Variants in ANK2 observed in about 807,000 individuals in gnomAD.
The protein encoded by ANK2 is ankyrin-2.
A neutral mutation model predicts 360.5 loss-of-function variants in ANK2; 83 were observed. The observed-to-expected ratio is 0.23, with a 90% CI of 0.19 to 0.28. The LOEUF (loss-of-function observed/expected upper bound fraction) is 0.28, where lower values mean the gene tolerates loss of function less well. ANK2 is among the 10% of genes least tolerant of loss of function. The probability of loss-of-function intolerance (pLI) is 1.00; values close to 1 mark genes in which losing one functional copy is unlikely to be tolerated. For synonymous variants in ANK2, 1,740 were observed against 1,759.5 expected (o/e 0.99, Z 0.28); for missense variants, 4,201 against 4,795.7 (o/e 0.88, Z 3.66).
At chr4:112,805,872 G>A in the ANK2 span, among the ~76,000 whole-genome samples, 158 of 152,238 alleles carry the variant, frequency 1.0e-3, no homozygotes, top group African/African-American at 3.2e-3. Flanking sequence ...ACTGCGCCCG[G>A]CCACATGCAG....
chr4:113,047,065 G>A (rs536862697), upstream of ANK2, among the ~76,000 whole-genome samples: 54 of 152,282 alleles, frequency 3.5e-4, 2 homozygotes, highest in South Asian at 6.0e-3. Flanking sequence ...ATCCAGTTAC[G>A]ACAAAGGTTT....
At chr4:112,747,822 G>A in the ANK2 span, among the ~76,000 whole-genome samples, 2 of 152,150 alleles carry the variant, frequency 1.3e-5, no homozygotes, top group Non-Finnish European at 2.9e-5. Flanking sequence ...GAGAAATATT[G>A]TGAGATAAAA....
At chr4:113,020,559 GGCTCACGCCTGTAATCCCAGT>G (rs1237315194) in intron 2 of ANK2, among the ~76,000 whole-genome samples, 1 of 152,132 alleles carries the variant, frequency 6.6e-6, no homozygotes, top group Non-Finnish European at 1.5e-5. Flanking sequence ...CGGCTGCGCT[GGCTCACGCCTGTAATCCCAGT>G]ACTTTGAGAG....
intron 2 of ANK2, among the ~76,000 whole-genome samples, chr4:112,909,482 C>T (rs2086354090): frequency 6.6e-6 from 1 of 152,134 alleles, no homozygotes; most frequent in Non-Finnish European, 1.5e-5. Flanking sequence ...ATTACTGTAA[C>T]TGTATTTTAT....
intron 2 of ANK2, among the ~76,000 whole-genome samples, chr4:112,942,964 A>G (rs775549150): frequency 6.6e-6 from 1 of 152,092 alleles, no homozygotes; most frequent in Non-Finnish European, 1.5e-5. Context: ...ACTTAGTTTT[A>G]CTTGCCCAAC....
At chr4:112,972,629 T>A (rs913013305) in intron 2 of ANK2, among the ~76,000 whole-genome samples, 10 of 152,210 alleles carry the variant, frequency 6.6e-5, no homozygotes, top group African/African-American at 2.4e-4. Context: ...TGGGGTGTGA[T>A]AGTAATCTAA....
chr4:113,339,865 C>A (rs1179516233), intron 32 of ANK2, among the ~76,000 whole-genome samples: 1 of 152,204 alleles, frequency 6.6e-6, no homozygotes. Flanking sequence ...TAATTGATTG[C>A]TAAGCATTGT....
intron 2 of ANK2, among the ~76,000 whole-genome samples, chr4:113,186,576 CTCTCTCTCTCT>C (rs772598521): frequency 0.23 from 23,295 of 103,368 alleles, 2,769 homozygotes; most frequent in Non-Finnish European, 0.28. Context: ...CTCTCTCTCT[CTCTCTCTCTCT>C]TCTCTCTCTC....
intron 1 of ANK2, among the ~76,000 whole-genome samples, chr4:112,828,019 C>T (rs892313627): frequency 6.6e-6 from 1 of 152,100 alleles, no homozygotes; most frequent in African/African-American, 2.4e-5. Context: ...AAGACAGACA[C>T]AGAGACGAAT....
At chr4:112,853,580 A>T (rs1375350994) in intron 1 of ANK2, among the ~76,000 whole-genome samples, 1 of 152,194 alleles carries the variant, frequency 6.6e-6, no homozygotes, top group Non-Finnish European at 1.5e-5. Context: ...AAATTCTTTT[A>T]AAAAAAGATC....
chr4:112,954,007 T>C, intron 2 of ANK2, among the ~76,000 whole-genome samples: 1 of 152,058 alleles, frequency 6.6e-6, no homozygotes, highest in East Asian at 1.9e-4. Context: ...GAATATATGA[T>C]AGACTGGTAC....
intron 1 of ANK2, among the ~76,000 whole-genome samples, chr4:113,083,538 C>T (rs562611044): frequency 1.3e-5 from 2 of 152,226 alleles, no homozygotes; most frequent in South Asian, 4.2e-4. Context: ...TCTTTATCTT[C>T]CTCCAGATGT....
At chr4:112,810,221 C>T in the ANK2 span, among the ~76,000 whole-genome samples, 1 of 136,912 alleles carries the variant, frequency 7.3e-6, no homozygotes, top group Non-Finnish European at 1.5e-5. Context: ...AGGCTGATCT[C>T]GAACTCCTGA....
At chr4:112,833,965 A>G (rs922340426) in intron 1 of ANK2, among the ~76,000 whole-genome samples, 3 of 152,228 alleles carry the variant, frequency 2.0e-5, no homozygotes, top group Admixed American at 6.5e-5. Flanking sequence ...GTATGACTAT[A>G]TATACATAGA....
At chr4:112,814,327 G>A (rs1294979097), upstream of ANK2, among the ~76,000 whole-genome samples, 1 of 152,176 alleles carries the variant, frequency 6.6e-6, no homozygotes, top group Admixed American at 6.5e-5. Flanking sequence ...GTTATTTACT[G>A]GAGAAGGAAG....
chr4:113,052,862 T>A (rs1237098102), intron 1 of ANK2, among the ~76,000 whole-genome samples: 5 of 152,170 alleles, frequency 3.3e-5, no homozygotes, highest in Non-Finnish European at 5.9e-5. Flanking sequence ...TTCAAGAGAC[T>A]GGTGGCTCAC....
intron 1 of ANK2, among the ~76,000 whole-genome samples, chr4:112,824,532 T>A (rs1385812597): frequency 6.9e-6 from 1 of 144,988 alleles, no homozygotes; most frequent in East Asian, 2.0e-4. Context: ...TTAGACGGAG[T>A]CTTGCTCTGT....
chr4:112,744,971 T>G, the ANK2 span, among the ~76,000 whole-genome samples: 15 of 152,370 alleles, frequency 9.8e-5, no homozygotes, highest in African/African-American at 3.4e-4. Context: ...TTTGTCATTT[T>G]CTATTGGTGT....
chr4:113,282,894 C>T, intron 18 of ANK2, 22 bp downstream of exon 18: 1 of 1,611,996 alleles, frequency 6.2e-7, no homozygotes, highest in East Asian at 2.2e-5. Flanking sequence ...TTTCTTGCAT[C>T]AATCAAGAGT....
Sources: allele counts gnomAD v4.1 joint callset (sites outside exome capture counted in the v4.1 genomes callset), GRCh38; gene constraint gnomAD v4.1.1; transcripts MANE v1.5; gene names NCBI Gene and HGNC (gene_info 2026-07-23, HGNC 2026-07-21).